PGLYRP2: variants seen among roughly 807,000 people sequenced by gnomAD.
PGLYRP2 encodes peptidoglycan recognition protein 2, also known as N-acetylmuramoyl-L-alanine amidase.
Under a neutral mutation model 46.2 loss-of-function variants are expected in PGLYRP2, and 38 were observed. That is an observed-to-expected ratio of 0.82 (90% confidence interval 0.64 to 1.08). The LOEUF is 1.08. Ranked by LOEUF, PGLYRP2 falls within the 50% of genes least tolerant of loss-of-function variation. The pLI, the probability that PGLYRP2 is intolerant of heterozygous loss-of-function variation, is 0.00. For missense variants in PGLYRP2, 713 were observed against 755.9 expected (o/e 0.94, Z 0.67); for synonymous variants, 289 against 329.4 (o/e 0.88, Z 1.33).
At chr19:15,479,013 C>A (rs1362605367) in intron 1 of PGLYRP2, among the ~76,000 whole-genome samples, 2 of 152,092 alleles carry the variant, frequency 1.3e-5, no homozygotes, top group Non-Finnish European at 2.9e-5. Context: ...TTGCTCTTCT[C>A]TGCAAAAAAT....
chr19:15,473,133 T>G (rs982705625), intron 2 of PGLYRP2, among the ~76,000 whole-genome samples: 5 of 152,108 alleles, frequency 3.3e-5, no homozygotes, highest in African/African-American at 9.7e-5. Flanking sequence ...GCCAACCATA[T>G]GCAGAAGAAT....
At chr19:15,476,640 C>T (rs780704096) in intron 1 of PGLYRP2, 32 bp from the exon 2 acceptor site, 12 of 1,503,506 alleles carry the variant, frequency 8.0e-6, no homozygotes, top group African/African-American at 1.4e-5. Flanking sequence ...TAGCCCAGCC[C>T]CACCCATTCC....
chr19:15,476,009 C>G lies in PGLYRP2; in HGVS notation c.661G>C (p.Val221Leu), dbSNP rs764281051. The change falls in exon 2 of 5, where the codon GTC (valine) becomes CTC (leucine). Residue 221 changes from valine (V) to leucine (L), a missense_variant. Val to Leu is a conservative substitution (Grantham distance 32, BLOSUM62 1). Coordinates refer to ENST00000340880, the MANE Select transcript of PGLYRP2 (RefSeq NM_052890.4). ...PPTMVDSLLAVTLAGNLGLTF... is the reference protein window; with the variant it reads ...PPTMVDSLLALTLAGNLGLTF... ...AGGCCCAGGTTTCCAGCCAGGGTGA[C>G]TGCCAGGAGGCTGTCCACCATGGTC... 6.2e-7 allele frequency: 1 copy of G among 1,614,192 alleles called. No homozygotes were observed. The highest frequency in any genetic ancestry group is 8.5e-7 in the Non-Finnish European group (1 of 1,180,036).
At chr19:15,474,814 C>T (rs928482104) in intron 2 of PGLYRP2, among the ~76,000 whole-genome samples, 3 of 151,998 alleles carry the variant, frequency 2.0e-5, no homozygotes, top group Admixed American at 6.6e-5. Context: ...GATGAAACTC[C>T]GTCTCTACTA....
At chr19:15,471,447 G>T (rs1437214146) in intron 3 of PGLYRP2, among the ~76,000 whole-genome samples, 1 of 151,558 alleles carries the variant, frequency 6.6e-6, no homozygotes, top group Non-Finnish European at 1.5e-5. Flanking sequence ...GAGATGGGTG[G>T]TGTGGGGGGG....
chr19:15,474,060 G>T (rs55999570), intron 2 of PGLYRP2, among the ~76,000 whole-genome samples: 1 of 152,088 alleles, frequency 6.6e-6, no homozygotes, highest in Non-Finnish European at 1.5e-5. Flanking sequence ...CAGAAAAGCC[G>T]GGTGATGGCT....
chr19:15,473,554 T>G (rs1970769259), intron 2 of PGLYRP2, among the ~76,000 whole-genome samples: 1 of 133,158 alleles, frequency 7.5e-6, no homozygotes, highest in Non-Finnish European at 1.6e-5. Context: ...CCTGAAACTC[T>G]AAAATACCAG....
rs1334290362 is a variant in PGLYRP2 at position 15,472,093 on chromosome 19, C to T, written c.1140G>A (p.Pro380=). Residue 380 remains proline (P), a synonymous_variant, in exon 3 of 5, where the codon CCG becomes CCA. Coordinates refer to ENST00000340880, the MANE Select transcript of PGLYRP2 (RefSeq NM_052890.4). The part of the protein sequence containing the change: ...KEFTEAFLGC[P]AIHPRCRWGA... ...CCCAGCGGCAGCGGGGGTGGATGGC[C>T]GGGCATCCTACAGGCAAGGGGGTTG... is the stretch of plus-strand genomic sequence containing the variant. 1.2e-6 allele frequency: 2 copies of T among 1,601,026 alleles called. No individual in the cohort carries two copies. Among genetic ancestry groups the T allele is most frequent in the Non-Finnish European group, 1.7e-6 (2 of 1,179,440 alleles).
chr19:15,468,798 T>C (rs1048712397), intron 4 of PGLYRP2, 46 bp from the exon 5 acceptor site: 1 of 1,505,840 alleles, frequency 6.6e-7, no homozygotes, highest in Middle Eastern at 1.9e-4. Flanking sequence ...GGTTGTGGTA[T>C]GTGGCTGGGT....
In PGLYRP2 at chr19:15,469,397, G is replaced by A. The variant is rs1450107275; in HGVS notation, c.1641+235C>T. ...GAGCTGGGGAAAGGACAGGCTGGCTGGGTCTGGGGCTGAGCTGAGGCTGCA... is the reference window on the plus strand; with the variant it reads ...GAGCTGGGGAAAGGACAGGCTGGCTAGGTCTGGGGCTGAGCTGAGGCTGCA... On this transcript the variant is annotated intron_variant, in intron 4 of 4. Transcript: ENST00000340880. This position sits in a 1 kb window ranked among gnomAD's most constrained non-coding sequence, Gnocchi z 4.9. The A allele has an allele frequency of 1.3e-5, 9 of 719,568 alleles. No individual in the cohort carries two copies. Among genetic ancestry groups the A allele is most frequent in the African/African-American group, 3.5e-5 (2 of 57,498 alleles). The allele number at this position is 719,568 out of a possible 1,614,324, so 44.6% of individuals were successfully genotyped here.
At chr19:15,478,692 GC>G (rs1970819702) in intron 1 of PGLYRP2, among the ~76,000 whole-genome samples, 2 of 148,632 alleles carry the variant, frequency 1.3e-5, no homozygotes, top group Admixed American at 1.4e-4. Context: ...GTGCAGTAGT[GC>G]TCAGCTCACT....
Position 15,469,536 on chromosome 19 carries a change from GC to G in PGLYRP2, c.1641+95del. 6.7e-7 allele frequency: 1 copy of G among 1,490,068 alleles called. No individual in the cohort carries two copies. The highest frequency in any genetic ancestry group is 9.1e-7 in the Non-Finnish European group (1 of 1,103,392). 92.3% of individuals were successfully genotyped at this position (1,490,068 alleles called of 1,614,324 possible). A position where few individuals can be genotyped will look rare whatever the true frequency, so the allele number is the denominator to read the frequency against. On this transcript the variant is annotated intron_variant, in intron 4 of 4. Coordinates refer to ENST00000340880, the MANE Select transcript of PGLYRP2 (RefSeq NM_052890.4). The surrounding 1 kb of genome is among the most constrained non-coding windows in gnomAD (Gnocchi z 4.9). The stretch of plus-strand genomic sequence containing the variant: ...AAGTTGGGGGCCTGGCTGAGGCTGT[GC>G]GGGCACAGCTGTTACAGGCAGGGGG...
Position 15,469,619 on chromosome 19 carries a change from T to C in PGLYRP2, c.1641+13A>G. ...GGGCGGCGGGCCGTGTAGTGCAGGC[T>C]GCGAAGACTCACCGCGGTGAAGTGC... On this transcript the variant is annotated intron_variant, in intron 4 of 4. Transcript: ENST00000340880. The surrounding 1 kb of genome is among the most constrained non-coding windows in gnomAD (Gnocchi z 4.9). 1 of 1,575,790 alleles carries C rather than the reference T, an allele frequency of 6.3e-7. No homozygotes were observed. Among genetic ancestry groups the C allele is most frequent in the East Asian group, 2.3e-5 (1 of 43,562 alleles).
rs367766234 is a variant in PGLYRP2 at position 15,478,999 on chromosome 19, A to G, written c.61+312T>C. On this transcript the variant is annotated intron_variant, in intron 1 of 4. Coordinates refer to ENST00000340880, the MANE Select transcript of PGLYRP2 (RefSeq NM_052890.4). ...CTCCAGTCCACCACCTAACCTGTGT[A>G]GCTTTGCTCTTCTCTGCAAAAAATG... 4.6e-5 allele frequency among the ~76,000 whole-genome samples: 7 copies of G among 152,242 alleles called. No individual in the cohort carries two copies. In the East Asian group the frequency reaches 9.6e-4, roughly 21 times the overall value.
intron 2 of PGLYRP2, among the ~76,000 whole-genome samples, chr19:15,473,595 T>C (rs953183625): frequency 4.6e-5 from 7 of 150,860 alleles, no homozygotes; most frequent in Admixed American, 4.0e-4. Flanking sequence ...CTTCTGAACA[T>C]TGGGCTAGGC....
chr19:15,471,876 C>A lies in PGLYRP2; in HGVS notation c.1343+14G>T. The A allele has an allele frequency of 6.2e-7, 1 of 1,608,466 alleles. No individual in the cohort carries two copies. The highest frequency in any genetic ancestry group is 1.1e-5 in the South Asian group (1 of 90,718). ...ACGTGGGCCCCGCCCCCTCCCCGGT[C>A]GGGCCCCTCCTACCTGTAGCCGATG... is the stretch of plus-strand genomic sequence containing the variant. On this transcript the variant is annotated intron_variant, in intron 3 of 4. Transcript: ENST00000340880.
At position 15,475,750 on chromosome 19, in the gene PGLYRP2, CCAGCCCCATAGTACTGGCT is replaced by C; in HGVS notation, c.901_919del (p.Ser301GlyfsTer20). On this transcript the variant is annotated frameshift_variant, in exon 2 of 5. Transcript: ENST00000340880. LOFTEE classifies it high-confidence loss of function. ...GCGGAACCCTGGGTCTCTGGCCACCCCAGCCCCATAGTACTGGCTCAGCAAGTGGCTGAGGGATGGCCGG... is the reference window on the plus strand; with the variant it reads ...GCGGAACCCTGGGTCTCTGGCCACCCCAGCAAGTGGCTGAGGGATGGCCGG... 1 of 1,614,040 alleles carries C rather than the reference CCAGCCCCATAGTACTGGCT, an allele frequency of 6.2e-7. No individual in the cohort carries two copies. Among genetic ancestry groups the C allele is most frequent in the Non-Finnish European group, 8.5e-7 (1 of 1,179,928 alleles).
At chr19:15,479,179 C>T (rs1970823693) in intron 1 of PGLYRP2, 132 bp downstream of exon 1, 1 of 909,384 alleles carries the variant, frequency 1.1e-6, no homozygotes, top group Non-Finnish European at 1.7e-6. Flanking sequence ...ATATCTATGT[C>T]CCCATGCTGG....
At position 15,476,611 on chromosome 19, in the gene PGLYRP2, G is replaced by A; in HGVS notation, c.62-3C>T. 6.3e-7 allele frequency: 1 copy of A among 1,580,476 alleles called. No individual in the cohort carries two copies. Among genetic ancestry groups the A allele is most frequent in the Non-Finnish European group, 8.6e-7 (1 of 1,164,380 alleles). ...GTCCATGAGCAGGGGCAGGGAGGCT[G>A]CAGGAGGAAAGAATGTGTTAGCCCA... On this transcript the variant is annotated splice_region_variant and splice_polypyrimidine_tract_variant and intron_variant, in intron 1 of 4. Coordinates refer to ENST00000340880, the MANE Select transcript of PGLYRP2 (RefSeq NM_052890.4).
Sources: allele counts gnomAD v4.1 joint callset (sites outside exome capture counted in the v4.1 genomes callset), GRCh38; gene constraint gnomAD v4.1.1; non-coding constraint Gnocchi (gnomAD v3.1); transcripts MANE v1.5; gene names NCBI Gene and HGNC (gene_info 2026-07-23, HGNC 2026-07-21).